SYT16: variants seen among roughly 807,000 people sequenced by gnomAD.
SYT16 encodes the protein synaptotagmin 16, also known as synaptotagmin-16.
In SYT16, 42 loss-of-function variants were observed where a neutral mutation model predicts 61.4. The ratio of observed to expected loss-of-function variants is 0.68; its 90% CI spans 0.53 to 0.89. The LOEUF (loss-of-function observed/expected upper bound fraction) is 0.89, where lower values mean the gene tolerates loss of function less well. Ranked by LOEUF, SYT16 falls within the 40% of genes least tolerant of loss-of-function variation. The pLI is 0.00. For synonymous variants in SYT16, 314 were observed against 302.3 expected, an observed-to-expected ratio of 1.04 and a Z score of -0.40; for missense variants, 804 against 807.3, an observed-to-expected ratio of 1.00 and a Z score of 0.05.
At chr14:61,953,756 A>T (rs1033803997) in intron 1 of SYT16, among the ~76,000 whole-genome samples, 1 of 152,174 alleles carries the variant, frequency 6.6e-6, no homozygotes, top group African/African-American at 2.4e-5. Context: ...GCTTGGGTCA[A>T]CCTGAGTGGT....
chr14:61,865,668 A>G (rs1566637034), intron 1 of SYT16, among the ~76,000 whole-genome samples: 1 of 152,208 alleles, frequency 6.6e-6, no homozygotes. Context: ...CTGTGAATAC[A>G]TGGACTCCTT....
chr14:62,069,304 C>T (rs2056198210), intron 3 of SYT16, among the ~76,000 whole-genome samples: 1 of 152,160 alleles, frequency 6.6e-6, no homozygotes. Flanking sequence ...AGCAGCGTAA[C>T]AAATCAGCAG....
chr14:62,014,197 A>G (rs889488893), intron 3 of SYT16, among the ~76,000 whole-genome samples: 1 of 152,166 alleles, frequency 6.6e-6, no homozygotes, highest in Non-Finnish European at 1.5e-5. Flanking sequence ...TCACAGATCC[A>G]ACTGCCTTCA....
intron 1 of SYT16, chr14:61,864,986 T>TA: frequency 2.2e-6 from 3 of 1,394,228 alleles, no homozygotes; most frequent in Non-Finnish European, 3.1e-6. Context: ...GGGCCCCTCT[T>TA]ACAGTGGCAG....
chr14:61,964,138 A>C (rs7143796), intron 1 of SYT16, among the ~76,000 whole-genome samples: 1 of 151,938 alleles, frequency 6.6e-6, no homozygotes, highest in African/African-American at 2.4e-5. Context: ...TCTGCAGCCA[A>C]TGGGTTCAAG....
At chr14:62,085,231 G>T (rs11625347) in intron 7 of SYT16, among the ~76,000 whole-genome samples, 77,755 of 152,034 alleles carry the variant, frequency 0.51, 20,799 homozygotes, top group South Asian at 0.66. Flanking sequence ...ATCTTGTTTT[G>T]CAGCAAAAAA....
intron 3 of SYT16, among the ~76,000 whole-genome samples, chr14:62,047,709 C>T (rs2055059089): frequency 1.3e-5 from 2 of 152,052 alleles, no homozygotes; most frequent in South Asian, 2.1e-4. Context: ...TGTCAAAGGC[C>T]TTTTCTGCAT....
chr14:61,828,670 C>T (rs985271237), intron 1 of SYT16, among the ~76,000 whole-genome samples: 3 of 152,176 alleles, frequency 2.0e-5, no homozygotes, highest in Non-Finnish European at 4.4e-5. Context: ...GAAAAACACA[C>T]AGAGTTATAC....
intron 2 of SYT16, among the ~76,000 whole-genome samples, chr14:61,978,615 TGGA>T (rs1334215337): frequency 6.6e-6 from 1 of 152,160 alleles, no homozygotes; most frequent in East Asian, 1.9e-4. Flanking sequence ...TGTGGCCAGG[TGGA>T]GAACCATTGA....
chr14:61,842,115 T>C (rs1240321905), intron 1 of SYT16, among the ~76,000 whole-genome samples: 1 of 152,214 alleles, frequency 6.6e-6, no homozygotes, highest in African/African-American at 2.4e-5. Context: ...CCATGCAATG[T>C]GTAATAATCA....
chr14:62,101,804 T>C lies in SYT16; in HGVS notation c.*1097T>C, dbSNP rs2057424905. On this transcript the variant is annotated 3_prime_UTR_variant, in exon 8 of 8. Transcript: ENST00000683842. ...TTTCTTTGAGCATTTGAAGTGCCTA[T>C]AACTGTCATTTTTTTATGGCATTTG... The C allele has an allele frequency of 6.6e-6, 1 of 152,226 alleles. No homozygotes were observed. The highest frequency in any genetic ancestry group is 6.5e-5 in the Admixed American group (1 of 15,284). 9.4% of individuals were successfully genotyped at this position (152,226 alleles called of 1,614,324 possible).
chr14:61,938,696 A>C (rs73260236), intron 1 of SYT16, among the ~76,000 whole-genome samples: 1,792 of 152,238 alleles, frequency 0.012, 40 homozygotes, highest in African/African-American at 0.04. Context: ...GAAACCATTA[A>C]CACCAGCTAA....
At chr14:62,011,980 C>T (rs1305122671) in intron 3 of SYT16, among the ~76,000 whole-genome samples, 2 of 138,512 alleles carry the variant, frequency 1.4e-5, no homozygotes, top group African/African-American at 5.8e-5. Flanking sequence ...TGATTTAGAT[C>T]ATGGCTTTTC....
chr14:62,076,457 G>A (rs2056499770), intron 5 of SYT16, among the ~76,000 whole-genome samples: 1 of 151,260 alleles, frequency 6.6e-6, no homozygotes. Context: ...AAAAAAAAAA[G>A]GAATCACAGA....
chr14:61,851,334 A>G (rs1464100764), intron 1 of SYT16, among the ~76,000 whole-genome samples: 1 of 152,182 alleles, frequency 6.6e-6, no homozygotes, highest in African/African-American at 2.4e-5. Flanking sequence ...GGTTGACTCC[A>G]TGTCTTTGCT....
chr14:61,850,936 A>G (rs2140270878), intron 1 of SYT16, among the ~76,000 whole-genome samples: 1 of 152,152 alleles, frequency 6.6e-6, no homozygotes, highest in East Asian at 1.9e-4. Flanking sequence ...GGGTACATGT[A>G]CAAGATGTGC....
At chr14:62,063,138 T>G (rs982943958) in intron 3 of SYT16, among the ~76,000 whole-genome samples, 2 of 152,156 alleles carry the variant, frequency 1.3e-5, no homozygotes, top group African/African-American at 4.8e-5. Context: ...GATTGTAAGG[T>G]AAGGTGGGAA....
At chr14:62,074,074 A>G (rs1240760592) in intron 4 of SYT16, among the ~76,000 whole-genome samples, 1 of 152,140 alleles carries the variant, frequency 6.6e-6, no homozygotes, top group Admixed American at 6.6e-5. Context: ...GGTCTGCTGG[A>G]GGAGAAAAGA....
intron 3 of SYT16, among the ~76,000 whole-genome samples, chr14:62,013,786 A>G (rs192364871): frequency 6.6e-5 from 10 of 152,244 alleles, no homozygotes; most frequent in African/African-American, 1.9e-4. Flanking sequence ...CAATATGGTG[A>G]AACCATGTCT....
Sources: allele counts gnomAD v4.1 joint callset (sites outside exome capture counted in the v4.1 genomes callset), GRCh38; gene constraint gnomAD v4.1.1; transcripts MANE v1.5; gene names NCBI Gene and HGNC (gene_info 2026-07-23, HGNC 2026-07-21).